The following TAF4B variants were observed in gnomAD, a reference collection of about 807,000 sequenced individuals.
TAF4B encodes TATA-box binding protein associated factor 4b, also known as transcription initiation factor TFIID subunit 4B.
A neutral mutation model predicts 86.4 loss-of-function variants in TAF4B; 38 were observed. That is an observed-to-expected ratio of 0.44 (90% CI 0.34 to 0.58). The LOEUF (loss-of-function observed/expected upper bound fraction) is 0.58, where lower values mean the gene tolerates loss of function less well. Among genes scored for constraint, TAF4B ranks in the 20% least tolerant of loss-of-function variants. TAF4B has a pLI of 0.02. For missense variants in TAF4B, 988 were observed against 1,027.6 expected, an observed-to-expected ratio of 0.96 and a Z score of 0.53; for synonymous variants, 388 against 391.2, an observed-to-expected ratio of 0.99 and a Z score of 0.10.
chr18:26,244,243 C>T (rs965056065), intron 1 of TAF4B, among the ~76,000 whole-genome samples: 1 of 152,238 alleles, frequency 6.6e-6, no homozygotes, highest in African/African-American at 2.4e-5. Flanking sequence ...AGCTCCCCGC[C>T]ACTTTGTTTA....
intron 14 of TAF4B, among the ~76,000 whole-genome samples, chr18:26,364,637 GTTTT>G (rs200922259): frequency 1.3e-5 from 2 of 149,954 alleles, no homozygotes; most frequent in Admixed American, 6.7e-5. Context: ...ATCCAGCAAC[GTTTT>G]TTTTTAGCAC....
chr18:26,286,635 T>C (rs2056527397), intron 7 of TAF4B, 136 bp downstream of exon 7: 1 of 656,568 alleles, frequency 1.5e-6, no homozygotes, highest in African/African-American at 1.9e-5. Context: ...TTTTTTTTTT[T>C]ACCTCATTTG....
chr18:26,260,165 T>C (rs2056143778), intron 1 of TAF4B, among the ~76,000 whole-genome samples: 1 of 152,218 alleles, frequency 6.6e-6, no homozygotes, highest in South Asian at 2.1e-4. Flanking sequence ...GAGTTCTCTG[T>C]AGATTCTGGA....
rs761255974 is a variant in TAF4B, at chr18:26,321,190, C to T, written c.2123C>T (p.Thr708Ile). ...KLTAIAQHRM[T>I]TYKASENYIL... ...ACTGCAATTGCTCAGCATCGAATGACTACTTACAAGGTAAAGGAAATCATT... is the reference window on the plus strand; with the variant it reads ...ACTGCAATTGCTCAGCATCGAATGATTACTTACAAGGTAAAGGAAATCATT... The change falls in exon 11 of 15, where the codon ACT (threonine) becomes ATT (isoleucine). Residue 708 changes from threonine to isoleucine, a missense_variant. Coordinates refer to ENST00000269142, the MANE Select transcript of TAF4B (RefSeq NM_005640.3). 9 of 1,613,612 alleles carry T rather than the reference C, an allele frequency of 5.6e-6. No homozygotes were observed. The Admixed American group carries it at 1.3e-4, about 24-fold the overall frequency.
intron 11 of TAF4B, among the ~76,000 whole-genome samples, chr18:26,324,459 AATAAGT>A (rs1269134305): frequency 1.3e-5 from 2 of 152,204 alleles, no homozygotes; most frequent in Non-Finnish European, 2.9e-5. Flanking sequence ...TATAAAACAT[AATAAGT>A]ATAATTTACA....
At chr18:26,313,452 C>T (rs896366729) in intron 9 of TAF4B, among the ~76,000 whole-genome samples, 1 of 152,130 alleles carries the variant, frequency 6.6e-6, no homozygotes. Flanking sequence ...TTCTTAAAAT[C>T]GTTCTTAGCA....
chr18:26,340,508 A>G (rs545398712), intron 13 of TAF4B, among the ~76,000 whole-genome samples: 64 of 152,292 alleles, frequency 4.2e-4, no homozygotes, highest in African/African-American at 1.5e-3. Context: ...ACAGCAGAGA[A>G]ACAGATTGAA....
intron 14 of TAF4B, among the ~76,000 whole-genome samples, chr18:26,377,163 T>TAGGTATCAG (rs530227390): frequency 9.1e-4 from 138 of 152,284 alleles, no homozygotes; most frequent in African/African-American, 3.1e-3. Flanking sequence ...TTAGCTTGTT[T>TAGGTATCAG]AGGTATCAGA....
chr18:26,339,358 C>T lies in TAF4B; in HGVS notation c.2316+4127C>T, dbSNP rs575985453. On this transcript the variant is annotated intron_variant, in intron 13 of 14. Coordinates refer to ENST00000269142, the MANE Select transcript of TAF4B (RefSeq NM_005640.3). ...GTTTTTGTTTTTGAGAAGGGTCTCACTCTGTCACCCAGGCTGGAGCGCAGT... is the reference window on the plus strand; with the variant it reads ...GTTTTTGTTTTTGAGAAGGGTCTCATTCTGTCACCCAGGCTGGAGCGCAGT... Among the ~76,000 whole-genome samples the T allele has an allele frequency of 1.2e-4, 19 of 152,192 alleles. No individual in the cohort carries two copies. The East Asian group carries it at 3.5e-3, about 28-fold the overall frequency.
intron 14 of TAF4B, among the ~76,000 whole-genome samples, chr18:26,383,618 C>G (rs2144392985): frequency 6.6e-6 from 1 of 152,270 alleles, no homozygotes; most frequent in Admixed American, 6.5e-5. Flanking sequence ...TGGGGGTGAT[C>G]ATTAGCTATG....
rs1173384806 is a variant in TAF4B at position 26,346,861 on chromosome 18, GTATATATA to G, written c.2317-10823_2317-10816del. Among the ~76,000 whole-genome samples the G allele has an allele frequency of 3.0e-3, 54 of 17,770 alleles. 11 individuals carry two copies. The highest frequency in any genetic ancestry group is 6.0e-3 in the African/African-American group (53 of 8,858). The allele number at this position is 17,770 out of a possible 152,430, so 11.7% of individuals were successfully genotyped here. ...TGTGTGTGTGTATATATATATATGT[GTATATATA>G]TATATGTGTATATATATATATATAT... On this transcript the variant is annotated intron_variant, in intron 13 of 14. Transcript: ENST00000269142.
chr18:26,387,214 C>T (rs1978424587), intron 14 of TAF4B, among the ~76,000 whole-genome samples: 1 of 152,110 alleles, frequency 6.6e-6, no homozygotes, highest in South Asian at 2.1e-4. Flanking sequence ...TACAGACGCA[C>T]ACCACCATGC....
chr18:26,261,775 A>G (rs1273031735), intron 1 of TAF4B, among the ~76,000 whole-genome samples: 1 of 152,250 alleles, frequency 6.6e-6, no homozygotes, highest in Non-Finnish European at 1.5e-5. Flanking sequence ...TTGGTAAACT[A>G]GTAGACTTAT....
At chr18:26,256,860 A>G (rs1181305327) in intron 1 of TAF4B, among the ~76,000 whole-genome samples, 5 of 143,600 alleles carry the variant, frequency 3.5e-5, no homozygotes, top group South Asian at 2.2e-4. Flanking sequence ...ATTTCATTCC[A>G]TTGTAGGTGG....
At chr18:26,365,328 A>G (rs1567924277) in intron 14 of TAF4B, among the ~76,000 whole-genome samples, 1 of 152,312 alleles carries the variant, frequency 6.6e-6, no homozygotes, top group Non-Finnish European at 1.5e-5. Context: ...TCTTGAGGAT[A>G]AAAGTAGAAA....
intron 14 of TAF4B, among the ~76,000 whole-genome samples, chr18:26,381,701 T>C (rs1311297495): frequency 6.6e-6 from 1 of 151,524 alleles, no homozygotes; most frequent in African/African-American, 2.4e-5. Context: ...CACTCCAGCC[T>C]GGGCAATGAG....
chr18:26,307,589 A>G (rs750029224), intron 9 of TAF4B, among the ~76,000 whole-genome samples: 3 of 152,172 alleles, frequency 2.0e-5, no homozygotes, highest in South Asian at 2.1e-4. Flanking sequence ...TCTATATACT[A>G]TATCTGGTAG....
chr18:26,322,045 A>G, intron 11 of TAF4B, among the ~76,000 whole-genome samples: 1 of 152,134 alleles, frequency 6.6e-6, no homozygotes, highest in Admixed American at 6.6e-5. Context: ...ATGAAAAGAG[A>G]AGGTAACCTG....
chr18:26,287,816 G>C (rs1481726183), intron 7 of TAF4B, among the ~76,000 whole-genome samples: 1 of 152,140 alleles, frequency 6.6e-6, no homozygotes, highest in East Asian at 1.9e-4. Flanking sequence ...GGGCAGCTTT[G>C]GACATAGAAT....
Sources: allele counts gnomAD v4.1 joint callset (sites outside exome capture counted in the v4.1 genomes callset), GRCh38; gene constraint gnomAD v4.1.1; transcripts MANE v1.5; gene names NCBI Gene and HGNC (gene_info 2026-07-23, HGNC 2026-07-21).